EPHA7: variants seen among roughly 807,000 people sequenced by gnomAD.
The protein encoded by EPHA7 is ephrin type-A receptor 7.
A neutral mutation model predicts 112.6 loss-of-function variants in EPHA7; 25 were observed. The ratio of observed to expected loss-of-function variants is 0.22; its 90% CI spans 0.16 to 0.31. The LOEUF (loss-of-function observed/expected upper bound fraction) is 0.31, where lower values mean the gene tolerates loss of function less well. Ranked by LOEUF, EPHA7 falls within the 10% of genes least tolerant of loss-of-function variation. The pLI is 1.00. For synonymous variants in EPHA7, 437 were observed against 406.5 expected, an observed-to-expected ratio of 1.07 and a Z score of -0.90; for missense variants, 962 against 1,212.6, an observed-to-expected ratio of 0.79 and a Z score of 3.07.
At chr6:93,326,517 T>C (rs902672996) in intron 5 of EPHA7, among the ~76,000 whole-genome samples, 9 of 151,502 alleles carry the variant, frequency 5.9e-5, no homozygotes, top group African/African-American at 2.2e-4. Context: ...TATGTGAAGA[T>C]TTCCAGTTTC....
chr6:93,268,362 G>A (rs567002172), intron 7 of EPHA7, among the ~76,000 whole-genome samples: 2 of 151,802 alleles, frequency 1.3e-5, no homozygotes, highest in Non-Finnish European at 3.0e-5. Context: ...ACAAACATTA[G>A]TTAATGCAAA....
At chr6:93,416,507 G>C (rs549980290) in intron 1 of EPHA7, among the ~76,000 whole-genome samples, 6 of 152,236 alleles carry the variant, frequency 3.9e-5, no homozygotes, top group South Asian at 2.1e-4. Flanking sequence ...AGCAGTGATG[G>C]CCAAGTTAAG....
intron 3 of EPHA7, among the ~76,000 whole-genome samples, chr6:93,396,583 C>T (rs1778183292): frequency 6.6e-6 from 1 of 151,728 alleles, no homozygotes. Flanking sequence ...ACCCCAAATT[C>T]CACTTTTCAA....
intron 3 of EPHA7, among the ~76,000 whole-genome samples, chr6:93,364,019 T>G (rs1479586434): frequency 1.3e-5 from 2 of 152,294 alleles, no homozygotes; most frequent in African/African-American, 4.8e-5. Flanking sequence ...GAAAATAGAT[T>G]ACCAGTTTTC....
chr6:93,245,782 T>C (rs1478135155), intron 15 of EPHA7, among the ~76,000 whole-genome samples: 2 of 152,300 alleles, frequency 1.3e-5, no homozygotes, highest in East Asian at 3.9e-4. Flanking sequence ...GATGCACATA[T>C]GGCTGTGTTC....
chr6:93,289,406 T>C (rs533117230), intron 5 of EPHA7, among the ~76,000 whole-genome samples: 124 of 152,212 alleles, frequency 8.1e-4, no homozygotes, highest in African/African-American at 2.8e-3. Flanking sequence ...AACAGATAGC[T>C]TTTAAAAGTA....
chr6:93,411,240 A>G, intron 2 of EPHA7, 70 bp from the exon 3 acceptor site: 2 of 1,281,436 alleles, frequency 1.6e-6, no homozygotes, highest in African/African-American at 3.0e-5. Flanking sequence ...AAGTGCAAGT[A>G]CTTCACAAAT....
At chr6:93,385,414 G>A (rs621890) in intron 3 of EPHA7, among the ~76,000 whole-genome samples, 7 of 151,728 alleles carry the variant, frequency 4.6e-5, no homozygotes, top group Non-Finnish European at 7.4e-5. Flanking sequence ...TTTAACTCCC[G>A]CAAAACTTGT....
chr6:93,305,233 G>A (rs1260160010), intron 5 of EPHA7, among the ~76,000 whole-genome samples: 2 of 151,330 alleles, frequency 1.3e-5, no homozygotes, highest in Non-Finnish European at 2.9e-5. Context: ...ATAGGATGGG[G>A]AAAGATTTGA....
intron 14 of EPHA7, among the ~76,000 whole-genome samples, chr6:93,253,139 G>A (rs1020639908): frequency 9.2e-5 from 14 of 152,086 alleles, no homozygotes; most frequent in African/African-American, 3.4e-4. Context: ...TCTAGGGAAT[G>A]TAAATATTTC....
At chr6:93,354,734 T>A (rs925414281) in intron 5 of EPHA7, among the ~76,000 whole-genome samples, 7 of 151,836 alleles carry the variant, frequency 4.6e-5, no homozygotes, top group African/African-American at 1.7e-4. Flanking sequence ...AATATTTGAT[T>A]CCAGAAACTT....
chr6:93,371,088 C>T (rs1329470815), intron 3 of EPHA7, among the ~76,000 whole-genome samples: 1 of 151,540 alleles, frequency 6.6e-6, no homozygotes, highest in Non-Finnish European at 1.5e-5. Flanking sequence ...GCTGTGAACC[C>T]AGGAGGCGGA....
At chr6:93,294,198 G>A (rs1172055450) in intron 5 of EPHA7, among the ~76,000 whole-genome samples, 1 of 152,304 alleles carries the variant, frequency 6.6e-6, no homozygotes. Context: ...TATGGAAAAA[G>A]TCTTAATACA....
intron 5 of EPHA7, among the ~76,000 whole-genome samples, chr6:93,330,549 A>G (rs1774542237): frequency 6.6e-6 from 1 of 151,272 alleles, no homozygotes; most frequent in African/African-American, 2.4e-5. Context: ...GTATTTCTGT[A>G]CCTCACTTAT....
At chr6:93,366,040 T>C (rs1412885757) in intron 3 of EPHA7, among the ~76,000 whole-genome samples, 1 of 152,198 alleles carries the variant, frequency 6.6e-6, no homozygotes, top group Non-Finnish European at 1.5e-5. Context: ...AATTTTCAGC[T>C]TAGAATATGT....
intron 5 of EPHA7, among the ~76,000 whole-genome samples, chr6:93,332,451 T>C (rs189234802): frequency 1.3e-5 from 2 of 151,760 alleles, no homozygotes; most frequent in Admixed American, 1.3e-4. Context: ...ATCTGATACA[T>C]ACTTATATTA....
At chr6:93,382,238 G>C (rs351344) in intron 3 of EPHA7, among the ~76,000 whole-genome samples, 1 of 152,032 alleles carries the variant, frequency 6.6e-6, no homozygotes, top group Non-Finnish European at 1.5e-5. Flanking sequence ...CCAGGGTGGG[G>C]GCTGGGTAGA....
intron 5 of EPHA7, among the ~76,000 whole-genome samples, chr6:93,316,054 TGAG>T (rs1452639681): frequency 6.6e-6 from 1 of 152,108 alleles, no homozygotes; most frequent in Non-Finnish European, 1.5e-5. Context: ...GAGGGTACAA[TGAG>T]AACATATTAT....
chr6:93,310,416 T>C (rs1410330333), intron 5 of EPHA7, among the ~76,000 whole-genome samples: 3 of 152,276 alleles, frequency 2.0e-5, no homozygotes, highest in African/African-American at 7.2e-5. Context: ...CCTGTAATCC[T>C]AGCACTTTGG....
Sources: allele counts gnomAD v4.1 joint callset (sites outside exome capture counted in the v4.1 genomes callset), GRCh38; gene constraint gnomAD v4.1.1; transcripts MANE v1.5; gene names NCBI Gene and HGNC (gene_info 2026-07-23, HGNC 2026-07-21).